Variants in STXBP4 observed in about 807,000 individuals in gnomAD.
The protein encoded by STXBP4 is syntaxin binding protein 4.
In STXBP4, 55 loss-of-function variants were observed where a neutral mutation model predicts 76.1. The observed-to-expected ratio is 0.72, with a 90% CI of 0.58 to 0.91. The LOEUF (loss-of-function observed/expected upper bound fraction) is 0.91. STXBP4 is among the 40% of genes least tolerant of loss of function. The pLI is 0.00. For missense variants in STXBP4, 618 were observed against 636.9 expected, an observed-to-expected ratio of 0.97 and a Z score of 0.32; for synonymous variants, 201 against 220.2, an observed-to-expected ratio of 0.91 and a Z score of 0.77.
At chr17:55,073,127 C>T (rs990006147) in intron 13 of STXBP4, 51 bp downstream of exon 13, 2 of 1,552,148 alleles carry the variant, frequency 1.3e-6, no homozygotes, top group Non-Finnish European at 1.8e-6. Context: ...TTGCCGTTGT[C>T]ATGTATCCTG....
At chr17:55,041,228 CTTTT>C (rs373020633) in intron 10 of STXBP4, among the ~76,000 whole-genome samples, 2 of 122,232 alleles carry the variant, frequency 1.6e-5, no homozygotes, top group Non-Finnish European at 1.7e-5. Flanking sequence ...TTTATTTAAA[CTTTT>C]TTTTTTTTTT....
At chr17:55,018,141 G>A (rs994596427) in intron 8 of STXBP4, among the ~76,000 whole-genome samples, 2 of 152,134 alleles carry the variant, frequency 1.3e-5, no homozygotes, top group Non-Finnish European at 2.9e-5. Context: ...GTGAGTGTTA[G>A]AGCTCTATTA....
chr17:55,124,217 C>T (rs887233444), intron 16 of STXBP4, among the ~76,000 whole-genome samples: 1 of 152,108 alleles, frequency 6.6e-6, no homozygotes, highest in Non-Finnish European at 1.5e-5. Context: ...AATGATAAGA[C>T]AGGCTGTGAG....
chr17:55,054,914 CT>C (rs1358437534), intron 12 of STXBP4, among the ~76,000 whole-genome samples: 11 of 152,026 alleles, frequency 7.2e-5, no homozygotes, highest in Admixed American at 3.9e-4. Flanking sequence ...GCATTTCAGG[CT>C]GAGAAAACAG....
intron 17 of STXBP4, among the ~76,000 whole-genome samples, chr17:55,157,820 G>A (rs2080297633): frequency 2.0e-5 from 3 of 152,130 alleles, no homozygotes; most frequent in Admixed American, 6.6e-5. Flanking sequence ...AACATTTTCA[G>A]TATTGTAATC....
chr17:55,072,987 G>C lies in STXBP4; in HGVS notation c.1099G>C (p.Glu367Gln). Residue 367 changes from glutamate (E) to glutamine (Q), a missense_variant, in exon 13 of 18, where the codon GAA becomes CAA. Coordinates refer to ENST00000376352, the MANE Select transcript of STXBP4 (RefSeq NM_178509.6). ...TGCTCAGAGACAGGCACATGGAATG[G>C]AAATGGACTATGAAGAAGTGATCCG... ...EAAQRQAHGM[E>Q]MDYEEVIRLL... The C allele has an allele frequency of 1.2e-6, 2 of 1,614,008 alleles. No homozygotes were observed. Among genetic ancestry groups the C allele is most frequent in the Non-Finnish European group, 1.7e-6 (2 of 1,179,926 alleles).
intron 17 of STXBP4, among the ~76,000 whole-genome samples, chr17:55,142,713 A>G (rs914104842): frequency 1.3e-5 from 2 of 152,180 alleles, no homozygotes; most frequent in Non-Finnish European, 2.9e-5. Context: ...AAATTTAAGG[A>G]AAAACTAGAG....
At chr17:55,012,502 G>A (rs118174299) in intron 8 of STXBP4, among the ~76,000 whole-genome samples, 1,986 of 152,182 alleles carry the variant, frequency 0.013, 19 homozygotes, top group Non-Finnish European at 0.021. Flanking sequence ...TTAGGTTTCT[G>A]TACTGCCAGT....
intron 8 of STXBP4, among the ~76,000 whole-genome samples, chr17:55,017,225 C>A (rs998970005): frequency 6.6e-6 from 1 of 152,110 alleles, no homozygotes; most frequent in African/African-American, 2.4e-5. Context: ...GTCTCTTTCG[C>A]CTCTCTGCCT....
chr17:55,078,135 T>G lies in STXBP4; in HGVS notation c.1246T>G (p.Ser416Ala). 6.2e-7 allele frequency: 1 copy of G among 1,612,470 alleles called. No homozygotes were observed. Residue 416 changes from serine (S) to alanine (A), a missense_variant, in exon 14 of 18, where the codon TCA (serine) becomes GCA (alanine). Physicochemically the swap from Ser to Ala is moderately conservative, Grantham distance 99. Transcript: ENST00000376352. ...GGTACTCGACTGCCAATTACGAAAA[T>G]CAGAAATGGCTCGAAAAACTTTTGA... ...IMVLDCQLRKSEMARKTFEAS... is the reference protein window; with the variant it reads ...IMVLDCQLRKAEMARKTFEAS...
chr17:55,160,015 CTTGTTGAAGTG>C lies in STXBP4; in HGVS notation c.*106_*116del. ...TAAAATAGGAGTAAAGCATGCACTA[CTTGTTGAAGTG>C]TGAAATGGAGACTCTGGACTTTGGG... On this transcript the variant is annotated 3_prime_UTR_variant, in exon 18 of 18. Coordinates refer to ENST00000376352, the MANE Select transcript of STXBP4 (RefSeq NM_178509.6). 1.6e-6 allele frequency: 1 copy of C among 636,564 alleles called. No homozygotes were observed. Among genetic ancestry groups the C allele is most frequent in the Non-Finnish European group, 2.7e-6 (1 of 366,830 alleles). The allele number at this position is 636,564 out of a possible 1,614,324, so 39.4% of individuals were successfully genotyped here.
chr17:55,053,015 C>G (rs537477973), intron 12 of STXBP4, among the ~76,000 whole-genome samples: 6 of 134,932 alleles, frequency 4.4e-5, no homozygotes, highest in Non-Finnish European at 6.2e-5. Flanking sequence ...TAAAAGTTTA[C>G]AGGTTAAAAG....
At chr17:55,185,796 G>A in the STXBP4 span, among the ~76,000 whole-genome samples, 2 of 152,324 alleles carry the variant, frequency 1.3e-5, no homozygotes. Flanking sequence ...CTTCCTCACA[G>A]AATTAATGGT....
At chr17:54,989,792 T>C (rs1257217497) in intron 3 of STXBP4, among the ~76,000 whole-genome samples, 1 of 152,360 alleles carries the variant, frequency 6.6e-6, no homozygotes, top group Middle Eastern at 3.4e-3. Flanking sequence ...TTTTGCAGGA[T>C]GTTTTGTACA....
At chr17:55,060,796 A>G (rs1477524474) in intron 12 of STXBP4, among the ~76,000 whole-genome samples, 1 of 152,206 alleles carries the variant, frequency 6.6e-6, no homozygotes, top group Non-Finnish European at 1.5e-5. Flanking sequence ...AACTTTTCAC[A>G]GGCATGGGCC....
the STXBP4 span, among the ~76,000 whole-genome samples, chr17:55,188,828 C>A: frequency 4.8e-4 from 73 of 152,276 alleles, no homozygotes; most frequent in Admixed American, 2.0e-3. Context: ...GTTAAAATTT[C>A]TTTTTGTCAT....
At chr17:54,968,990 C>T (rs866904140) in intron 1 of STXBP4, among the ~76,000 whole-genome samples, 175 bp downstream of exon 1, 1 of 152,048 alleles carries the variant, frequency 6.6e-6, no homozygotes, top group African/African-American at 2.4e-5. Context: ...CCGGCAGCCC[C>T]GGCGACGCTC....
At chr17:55,068,257 AG>A (rs2079077160) in intron 12 of STXBP4, among the ~76,000 whole-genome samples, 1 of 152,130 alleles carries the variant, frequency 6.6e-6, no homozygotes, top group South Asian at 2.1e-4. Flanking sequence ...AGTATTCTTT[AG>A]GGCTTGGTAG....
the STXBP4 span, among the ~76,000 whole-genome samples, chr17:55,196,591 A>G: frequency 6.6e-6 from 1 of 152,166 alleles, no homozygotes; most frequent in African/African-American, 2.4e-5. Flanking sequence ...TGCTCTGGTA[A>G]ATAATTTGTA....
Sources: allele counts gnomAD v4.1 joint callset (sites outside exome capture counted in the v4.1 genomes callset), GRCh38; gene constraint gnomAD v4.1.1; transcripts MANE v1.5; gene names NCBI Gene and HGNC (gene_info 2026-07-23, HGNC 2026-07-21).